The following KLHL13 variants were observed in gnomAD, a reference collection of about 807,000 sequenced individuals.
KLHL13 encodes kelch like family member 13.
In KLHL13, 10 loss-of-function variants were observed where a neutral mutation model predicts 37.1. That is an observed-to-expected ratio of 0.27 (90% confidence interval 0.17 to 0.46). The LOEUF (loss-of-function observed/expected upper bound fraction) is 0.46. KLHL13 is among the 20% of genes least tolerant of loss of function. KLHL13 has a pLI of 1.00. For synonymous variants in KLHL13, 163 were observed against 181.2 expected, an observed-to-expected ratio of 0.90 and a Z score of 0.81; for missense variants, 360 against 509.3, an observed-to-expected ratio of 0.71 and a Z score of 2.82.
chrX:118,112,132 A>G (rs2055418540), intron 1 of KLHL13, among the ~76,000 whole-genome samples: 1 of 112,230 alleles, frequency 8.9e-6, no homozygotes, highest in South Asian at 3.7e-4. Context: ...TATGCTCTAC[A>G]ACCTCTCTCA....
chrX:118,076,895 TCTC>T (rs1260026292), intron 1 of KLHL13, among the ~76,000 whole-genome samples: 2 of 107,992 alleles, frequency 1.9e-5, no homozygotes, highest in African/African-American at 6.7e-5. Flanking sequence ...CTTCTCCTCT[TCTC>T]TTCTTCTTCT....
chrX:118,044,039 G>T (rs769407277), intron 1 of KLHL13, among the ~76,000 whole-genome samples: 4 of 112,094 alleles, frequency 3.6e-5, no homozygotes, highest in Non-Finnish European at 7.5e-5. Context: ...ATTCAGTAAA[G>T]CTGCAGGATA....
chrX:117,904,472 G>C (rs1428345755), intron 5 of KLHL13, among the ~76,000 whole-genome samples: 7 of 111,133 alleles, frequency 6.3e-5, no homozygotes, highest in Non-Finnish European at 1.9e-5. Context: ...GTCTATAAGA[G>C]TTGGAAATGG....
intron 1 of KLHL13, among the ~76,000 whole-genome samples, chrX:118,086,518 A>G (rs751010007): frequency 1.8e-5 from 2 of 112,184 alleles, no homozygotes; most frequent in South Asian, 7.3e-4. Flanking sequence ...TATGTGAATT[A>G]TATCTCAATT....
intron 1 of KLHL13, among the ~76,000 whole-genome samples, chrX:117,980,983 G>T (rs1009548169): frequency 1.8e-5 from 2 of 111,772 alleles, no homozygotes; most frequent in Non-Finnish European, 3.8e-5. Flanking sequence ...CTATTTTCAT[G>T]ACTATTTCCA....
chrX:118,083,900 T>C (rs985671557), intron 1 of KLHL13, among the ~76,000 whole-genome samples: 1 of 111,641 alleles, frequency 9.0e-6, no homozygotes, highest in Non-Finnish European at 1.9e-5. Flanking sequence ...TAAAAATAGA[T>C]GCACTATGCA....
chrX:118,101,816 C>T (rs1602726176), intron 1 of KLHL13, among the ~76,000 whole-genome samples: 1 of 111,406 alleles, frequency 9.0e-6, no homozygotes, highest in Non-Finnish European at 1.9e-5. Flanking sequence ...AGAAGTTCCT[C>T]CTTCACTCTT....
At chrX:117,909,819 C>T in exon 5 of KLHL13, 1 of 1,206,539 alleles carries the variant, frequency 8.3e-7, no homozygotes, top group Non-Finnish European at 1.1e-6. Context: ...CAGTGGAAAT[C>T]GTATGTTCTT....
intron 1 of KLHL13, among the ~76,000 whole-genome samples, chrX:118,041,606 C>T (rs892935643): frequency 9.0e-6 from 1 of 111,565 alleles, no homozygotes; most frequent in Non-Finnish European, 1.9e-5. Flanking sequence ...TTGGTTTTCT[C>T]TGGTTTTCTC....
At chrX:118,081,939 A>ATT in intron 1 of KLHL13, among the ~76,000 whole-genome samples, 1 of 90,157 alleles carries the variant, frequency 1.1e-5, no homozygotes, top group African/African-American at 4.6e-5. Flanking sequence ...ATAGTATTCC[A>ATT]TTGTGTGTGT....
chrX:117,966,440 C>T (rs939059970), intron 1 of KLHL13, among the ~76,000 whole-genome samples: 10 of 110,963 alleles, frequency 9.0e-5, no homozygotes, highest in East Asian at 5.6e-4. Context: ...ACATTCCATG[C>T]GCATGGGTAG....
chrX:118,113,805 T>A (rs1196014755), intron 1 of KLHL13, among the ~76,000 whole-genome samples: 1 of 112,194 alleles, frequency 8.9e-6, no homozygotes, highest in African/African-American at 3.2e-5. Flanking sequence ...TATTCTCTGG[T>A]AGAATATAAG....
chrX:118,114,567 T>C (rs1453319740), intron 1 of KLHL13, among the ~76,000 whole-genome samples: 1 of 112,451 alleles, frequency 8.9e-6, no homozygotes, highest in Non-Finnish European at 1.9e-5. Context: ...TGTAAGTTTT[T>C]ATGTATTTTG....
chrX:118,085,364 G>T (rs1157469486), intron 1 of KLHL13, among the ~76,000 whole-genome samples: 6 of 111,030 alleles, frequency 5.4e-5, no homozygotes, highest in Non-Finnish European at 1.1e-4. Flanking sequence ...AATCATAATT[G>T]CCAGGAACTG....
chrX:118,107,641 T>C (rs2055359790), intron 1 of KLHL13, among the ~76,000 whole-genome samples: 1 of 112,044 alleles, frequency 8.9e-6, no homozygotes, highest in South Asian at 3.7e-4. Context: ...ACAAGGGAGA[T>C]AAACAAGGCT....
intron 1 of KLHL13, among the ~76,000 whole-genome samples, chrX:118,019,495 A>C (rs1232390423): frequency 1.8e-5 from 2 of 110,228 alleles, no homozygotes; most frequent in African/African-American, 3.4e-5. Flanking sequence ...TCTTTAGTTG[A>C]ATTAGATCCC....
intron 5 of KLHL13, among the ~76,000 whole-genome samples, chrX:117,903,173 G>GAGA (rs1491190040): frequency 1.0e-5 from 1 of 96,707 alleles, no homozygotes; most frequent in African/African-American, 4.4e-5. Flanking sequence ...GAGAGAGAGA[G>GAGA]GAGAGCGAGA....
Position 118,096,303 on chromosome X carries a change from C to A in KLHL13, c.-56+20205G>T, listed in dbSNP as rs181977399. 4.5e-5 allele frequency among the ~76,000 whole-genome samples: 5 copies of A among 111,987 alleles called. No individual in the cohort carries two copies. The East Asian group carries it at 1.1e-3, about 25-fold the overall frequency. ...CCATCAGAGAATACTATAAACACCT[C>A]TACACAAATAAACTAGAAAATCTAG... On this transcript the variant is annotated intron_variant, in intron 1 of 6. Transcript: ENST00000371882.
chrX:117,981,020 T>A (rs1569432596), intron 1 of KLHL13, among the ~76,000 whole-genome samples: 1 of 112,201 alleles, frequency 8.9e-6, no homozygotes, highest in East Asian at 2.8e-4. Flanking sequence ...CAATTTAGAA[T>A]TCTTCTCTTT....
Sources: gnomAD v4.1 joint callset for allele counts (sites outside exome capture counted in the v4.1 genomes callset) on GRCh38, gnomAD v4.1.1 for gene constraint, MANE v1.5 for transcripts, NCBI Gene and HGNC (gene_info 2026-07-23, HGNC 2026-07-21) for gene names.